PPTC7: variants seen among roughly 807,000 people sequenced by gnomAD.
The protein encoded by PPTC7 is protein phosphatase targeting COQ7.
PPTC7 carries 6 observed loss-of-function variants against 30.8 expected under a neutral mutation model. The observed-to-expected ratio is 0.19, with a 90% confidence interval of 0.11 to 0.38. PPTC7 has a LOEUF of 0.38. Ranked by LOEUF, PPTC7 falls within the 10% of genes least tolerant of loss-of-function variation. PPTC7 has a pLI of 1.00. For synonymous variants in PPTC7, 163 were observed against 168.1 expected, an observed-to-expected ratio of 0.97 and a Z score of 0.23; for missense variants, 218 against 404.8, an observed-to-expected ratio of 0.54 and a Z score of 3.96.
intron 3 of PPTC7, among the ~76,000 whole-genome samples, chr12:110,543,451 A>C (rs1205852454): frequency 6.6e-6 from 1 of 151,610 alleles, no homozygotes. Flanking sequence ...AAAAAAAGGG[A>C]AAAAGACTGT....
chr12:110,560,101 T>C (rs748911875), intron 1 of PPTC7, among the ~76,000 whole-genome samples: 1 of 152,180 alleles, frequency 6.6e-6, no homozygotes, highest in Admixed American at 6.5e-5. Flanking sequence ...GGTATAACCA[T>C]GTAAAATGGT....
Position 110,538,151 on chromosome 12 carries a change from A to ATTC in PPTC7, c.846_848dup (p.Leu282_Asn283insLys). On this transcript the variant is annotated inframe_insertion, in exon 5 of 6. Transcript: ENST00000354300. ...TTCCCAAAGAATGCTTACCTCTCAC[A>ATTC]TTCAATCCATTGTCACATGCAAACT... 6.2e-7 allele frequency: 1 copy of ATTC among 1,614,082 alleles called. No individual in the cohort carries two copies. The highest frequency in any genetic ancestry group is 8.5e-7 in the Non-Finnish European group (1 of 1,179,990).
intron 1 of PPTC7, among the ~76,000 whole-genome samples, chr12:110,580,733 A>G (rs2064629738): frequency 1.3e-5 from 2 of 151,810 alleles, no homozygotes; most frequent in African/African-American, 2.4e-5. Context: ...ATCTTTCACA[A>G]AAGTCGCATA....
In PPTC7 at chr12:110,536,968, A is replaced by G; in HGVS notation, c.*69T>C. ...AGTGGCAAAGAAATGTGGTCCTGCC[A>G]GCAGGATCAGCACACATGGCAGGGG... is the stretch of plus-strand genomic sequence containing the variant. On this transcript the variant is annotated 3_prime_UTR_variant, in exon 6 of 6. Coordinates refer to ENST00000354300, the MANE Select transcript of PPTC7 (RefSeq NM_139283.2). The G allele has an allele frequency of 8.5e-7, 1 of 1,178,874 alleles. No homozygotes were observed. 73.0% of individuals were successfully genotyped at this position (1,178,874 alleles called of 1,614,324 possible).
chr12:110,546,527 G>C (rs2064307321), intron 2 of PPTC7: 1 of 176,212 alleles, frequency 5.7e-6, no homozygotes. Flanking sequence ...TCACATTTAA[G>C]ACAGGGCACA....
intron 1 of PPTC7, among the ~76,000 whole-genome samples, chr12:110,567,684 T>G (rs1160474008): frequency 6.6e-6 from 1 of 152,256 alleles, no homozygotes; most frequent in East Asian, 1.9e-4. Context: ...TTTTGCCTCC[T>G]GTTCTCCCAT....
In PPTC7 at chr12:110,546,035, G is replaced by A; in HGVS notation, c.447C>T (p.His149=). 1 of 1,614,160 alleles carries A rather than the reference G, an allele frequency of 6.2e-7. No homozygotes were observed. Among genetic ancestry groups the A allele is most frequent in the Non-Finnish European group, 8.5e-7 (1 of 1,180,046 alleles). ...CGCCCAGGTTTGCTGTGTGTAAGCG[G>A]TGGCTGGTTCTGTCCAGCACCACAA... The part of the protein sequence containing the change: ...ACIVVLDRTS[H]RLHTANLGDS... The change falls in exon 3 of 6, where the codon CAC becomes CAT. Residue 149 remains histidine, a synonymous_variant. Coordinates refer to ENST00000354300, the MANE Select transcript of PPTC7 (RefSeq NM_139283.2).
intron 1 of PPTC7, among the ~76,000 whole-genome samples, chr12:110,559,387 A>G (rs1239562978): frequency 6.6e-6 from 1 of 151,804 alleles, no homozygotes; most frequent in Non-Finnish European, 1.5e-5. Context: ...GTCTGCCATC[A>G]TTAAGTGTTT....
At chr12:110,577,700 C>T in intron 1 of PPTC7, among the ~76,000 whole-genome samples, 1 of 124,706 alleles carries the variant, frequency 8.0e-6, no homozygotes, top group Non-Finnish European at 1.7e-5. Flanking sequence ...ATTTTAATTT[C>T]ACTTTTAGGT....
rs58133391 is a variant in PPTC7 at position 110,574,141 on chromosome 12, T to TAAAAAAAAAAA, written c.223+8657_223+8667dup. On this transcript the variant is annotated intron_variant, in intron 1 of 5. Coordinates refer to ENST00000354300, the MANE Select transcript of PPTC7 (RefSeq NM_139283.2). ...AGAGAGACTCTGTCTCCACAATAAT[T>TAAAAAAAAAAA]AAAAAAAAAAAAAAAAAAAAAAAAA... Among the ~76,000 whole-genome samples, 48 of 37,464 alleles carry TAAAAAAAAAAA rather than the reference T, an allele frequency of 1.3e-3. 2 individuals carry two copies. The highest frequency in any genetic ancestry group is 2.6e-3 in the South Asian group (2 of 764). The allele number at this position is 37,464 out of a possible 152,430, so 24.6% of individuals were successfully genotyped here.
chr12:110,551,440 G>C (rs1018070207), intron 2 of PPTC7, among the ~76,000 whole-genome samples: 2 of 152,142 alleles, frequency 1.3e-5, no homozygotes, highest in Non-Finnish European at 2.9e-5. Context: ...CCACCTCCCG[G>C]GGTTCAAGTG....
chr12:110,557,246 C>T (rs1375847404), intron 1 of PPTC7, among the ~76,000 whole-genome samples: 2 of 152,126 alleles, frequency 1.3e-5, no homozygotes, highest in African/African-American at 4.8e-5. Context: ...AAACTTAGTA[C>T]CAACAAAAGA....
Position 110,581,562 on chromosome 12 carries a change from T to G in PPTC7, c.223+1247A>C, listed in dbSNP as rs571100495. Among the ~76,000 whole-genome samples the G allele has an allele frequency of 5.9e-5, 9 of 152,352 alleles. No individual in the cohort carries two copies. In the South Asian group the frequency reaches 8.3e-4, roughly 14 times the overall value. On this transcript the variant is annotated intron_variant, in intron 1 of 5. Coordinates refer to ENST00000354300, the MANE Select transcript of PPTC7 (RefSeq NM_139283.2). ...AGGACCTTTCTAAGTCTCCCTCTCA[T>G]GTTAATATCAATAGCGTTGCCTAAA...
intron 1 of PPTC7, among the ~76,000 whole-genome samples, chr12:110,561,127 C>T (rs562917313): frequency 2.6e-5 from 4 of 152,238 alleles, no homozygotes; most frequent in African/African-American, 9.6e-5. Flanking sequence ...ATATTTATTG[C>T]AGTACGACAG....
intron 1 of PPTC7, among the ~76,000 whole-genome samples, chr12:110,556,060 C>T (rs2064384318): frequency 6.6e-6 from 1 of 152,134 alleles, no homozygotes. Flanking sequence ...ACAAGAAAAC[C>T]ATTAAAATCT....
At chr12:110,540,090 T>G in intron 3 of PPTC7, 145 bp from the exon 4 acceptor site, 1 of 673,152 alleles carries the variant, frequency 1.5e-6, no homozygotes. Context: ...TTAAAAAAAG[T>G]CATTCTGAAA....
rs1354669267 is a variant in PPTC7, at chr12:110,534,031, A to G, written c.*3006T>C. ...TACCCAACAACCATGTCAAGCAAGT[A>G]CAGTAACTCAGGACAAATAACTTGT... On this transcript the variant is annotated 3_prime_UTR_variant, in exon 6 of 6. Coordinates refer to ENST00000354300, the MANE Select transcript of PPTC7 (RefSeq NM_139283.2). The G allele has an allele frequency of 6.6e-6, 1 of 152,206 alleles. No homozygotes were observed. Among genetic ancestry groups the G allele is most frequent in the African/African-American group, 2.4e-5 (1 of 41,458 alleles). 9.4% of individuals were successfully genotyped at this position (152,206 alleles called of 1,614,324 possible).
At chr12:110,553,860 A>C (rs767092747) in intron 1 of PPTC7, among the ~76,000 whole-genome samples, 1 of 152,076 alleles carries the variant, frequency 6.6e-6, no homozygotes, top group African/African-American at 2.4e-5. Flanking sequence ...ACCTTTCTTT[A>C]TTTACCTATT....
chr12:110,561,556 T>TC (rs2064437808), intron 1 of PPTC7, among the ~76,000 whole-genome samples: 1 of 152,156 alleles, frequency 6.6e-6, no homozygotes, highest in South Asian at 2.1e-4. Context: ...CCTCAAGTGA[T>TC]TGCCCCCCAA....
Sources: allele counts gnomAD v4.1 joint callset (sites outside exome capture counted in the v4.1 genomes callset), GRCh38; gene constraint gnomAD v4.1.1; transcripts MANE v1.5; gene names NCBI Gene and HGNC (gene_info 2026-07-23, HGNC 2026-07-21).